KCNQ3: variants seen among roughly 807,000 people sequenced by gnomAD.
The protein encoded by KCNQ3 is potassium voltage-gated channel subfamily KQT member 3.
A neutral mutation model predicts 92.5 loss-of-function variants in KCNQ3; 30 were observed. The ratio of observed to expected loss-of-function variants is 0.32; its 90% CI spans 0.24 to 0.44. KCNQ3 has a LOEUF of 0.44. Among genes scored for constraint, KCNQ3 ranks in the 20% least tolerant of loss-of-function variants. KCNQ3 has a pLI of 1.00. For missense variants in KCNQ3, 913 were observed against 1,140.3 expected, an observed-to-expected ratio of 0.80 and a Z score of 2.87; for synonymous variants, 450 against 468.8, an observed-to-expected ratio of 0.96 and a Z score of 0.52.
At chr8:132,184,166 TAA>T in intron 3 of KCNQ3, 73 bp downstream of exon 3, 2 of 1,595,328 alleles carry the variant, frequency 1.3e-6, no homozygotes, top group Non-Finnish European at 1.7e-6. Flanking sequence ...AATAGCTGCT[TAA>T]ACTTTTCTCA....
At chr8:132,369,579 A>G (rs1231057632) in intron 1 of KCNQ3, among the ~76,000 whole-genome samples, 1 of 113,708 alleles carries the variant, frequency 8.8e-6, no homozygotes. Context: ...AACAGCACAC[A>G]CACACACACA....
chr8:132,306,545 C>A (rs1817429601), intron 1 of KCNQ3, among the ~76,000 whole-genome samples: 1 of 152,210 alleles, frequency 6.6e-6, no homozygotes, highest in South Asian at 2.1e-4. Flanking sequence ...ATTCACAAAT[C>A]TGTTTCCCAG....
intron 1 of KCNQ3, among the ~76,000 whole-genome samples, chr8:132,332,341 C>T (rs1230433971): frequency 1.3e-5 from 2 of 152,174 alleles, no homozygotes; most frequent in Non-Finnish European, 2.9e-5. Flanking sequence ...CAGAGGTACC[C>T]AGATAAGCCA....
chr8:132,137,538 T>G (rs1825141471), intron 12 of KCNQ3, among the ~76,000 whole-genome samples: 1 of 152,228 alleles, frequency 6.6e-6, no homozygotes, highest in Non-Finnish European at 1.5e-5. Context: ...GGTAAAGAAT[T>G]GTATTGAGAA....
chr8:132,384,928 G>A (rs1042604591), intron 1 of KCNQ3, among the ~76,000 whole-genome samples: 1 of 152,200 alleles, frequency 6.6e-6, no homozygotes, highest in Non-Finnish European at 1.5e-5. Flanking sequence ...CCAGTGACCA[G>A]GACATAGCAG....
At chr8:132,312,609 T>C (rs1272897490) in intron 1 of KCNQ3, among the ~76,000 whole-genome samples, 1 of 152,146 alleles carries the variant, frequency 6.6e-6, no homozygotes, top group African/African-American at 2.4e-5. Context: ...ATAATTCCCA[T>C]GTGTCAAGGG....
chr8:132,149,869 A>G (rs115446513), intron 9 of KCNQ3, among the ~76,000 whole-genome samples: 1,995 of 152,148 alleles, frequency 0.013, 40 homozygotes, highest in African/African-American at 0.044. Context: ...GTGTCCACAG[A>G]GTTCCCCCCT....
intron 8 of KCNQ3, among the ~76,000 whole-genome samples, chr8:132,167,715 C>A (rs1029781532): frequency 3.3e-5 from 5 of 152,226 alleles, no homozygotes; most frequent in African/African-American, 9.6e-5. Context: ...AAAAACCATT[C>A]TCATATCACA....
intron 1 of KCNQ3, among the ~76,000 whole-genome samples, chr8:132,386,826 A>G (rs1397633474): frequency 6.6e-6 from 1 of 152,110 alleles, no homozygotes; most frequent in Non-Finnish European, 1.5e-5. Context: ...TTTATGAATC[A>G]TTCCTCTGAC....
At chr8:132,276,507 G>A (rs922894723) in intron 1 of KCNQ3, among the ~76,000 whole-genome samples, 1 of 152,088 alleles carries the variant, frequency 6.6e-6, no homozygotes, top group Admixed American at 6.6e-5. Flanking sequence ...TCAGTGGTGG[G>A]AGCTCATTAC....
At chr8:132,142,868 C>G (rs1312524269) in intron 9 of KCNQ3, among the ~76,000 whole-genome samples, 2 of 152,164 alleles carry the variant, frequency 1.3e-5, no homozygotes, top group African/African-American at 4.8e-5. Context: ...GGAGTGAACA[C>G]TCCTTCTGCC....
At chr8:132,437,053 G>A (rs533538999) in intron 1 of KCNQ3, among the ~76,000 whole-genome samples, 2 of 151,980 alleles carry the variant, frequency 1.3e-5, no homozygotes, top group East Asian at 3.9e-4. Flanking sequence ...GCCGAGGCGG[G>A]CGGATCACGA....
At chr8:132,203,364 A>G (rs1490769560) in intron 1 of KCNQ3, among the ~76,000 whole-genome samples, 2 of 152,156 alleles carry the variant, frequency 1.3e-5, no homozygotes, top group East Asian at 3.9e-4. Context: ...CCTGTCAAGG[A>G]AGACCCTGGG....
rs898083492 is a variant in KCNQ3 at position 132,447,053 on chromosome 8, GC to G, written c.386+33093del. 3.6e-5 allele frequency: 24 copies of G among 662,672 alleles called. No individual in the cohort carries two copies. In the African/African-American group the frequency reaches 4.3e-4, roughly 12 times the overall value. 41.0% of individuals were successfully genotyped at this position (662,672 alleles called of 1,614,324 possible). A position where few individuals can be genotyped will look rare whatever the true frequency, so the allele number is the denominator to read the frequency against. ...CAATCCCACAACAAACATTTCCTGA[GC>G]CCCTTCTGGGAACCCAGGGTGAGTC... On this transcript the variant is annotated intron_variant, in intron 1 of 14. Transcript: ENST00000388996.
At chr8:132,361,255 C>T (rs1439414558) in intron 1 of KCNQ3, among the ~76,000 whole-genome samples, 1 of 152,156 alleles carries the variant, frequency 6.6e-6, no homozygotes, top group Non-Finnish European at 1.5e-5. Flanking sequence ...GCACAGAGAA[C>T]ACTGCAAGCA....
At chr8:132,303,250 A>C (rs1327320205) in intron 1 of KCNQ3, among the ~76,000 whole-genome samples, 1 of 151,888 alleles carries the variant, frequency 6.6e-6, no homozygotes, top group Non-Finnish European at 1.5e-5. Flanking sequence ...ATGATAAAGC[A>C]CTCATTTGCA....
At position 132,262,992 on chromosome 8, in the gene KCNQ3, G is replaced by A. The variant is rs137962261; in HGVS notation, c.387-76811C>T. On this transcript the variant is annotated intron_variant, in intron 1 of 14. Coordinates refer to ENST00000388996, the MANE Select transcript of KCNQ3 (RefSeq NM_004519.4). ...GGGACCTGAAGCTCTGAGGAATTGA[G>A]CAACGGTCCCAGATTCCATGGTTAC... is the stretch of plus-strand genomic sequence containing the variant. Among the ~76,000 whole-genome samples the A allele has an allele frequency of 1.7e-3, 266 of 152,302 alleles. 9 individuals are homozygous for A. The East Asian group carries it at 0.034, about 20-fold the overall frequency.
At chr8:132,203,436 T>C (rs1337515518) in intron 1 of KCNQ3, among the ~76,000 whole-genome samples, 1 of 152,118 alleles carries the variant, frequency 6.6e-6, no homozygotes, top group Non-Finnish European at 1.5e-5. Flanking sequence ...TGGTTCCTCA[T>C]CTCTAAAGTG....
intron 1 of KCNQ3, among the ~76,000 whole-genome samples, chr8:132,346,628 G>C (rs1222110564): frequency 2.0e-5 from 3 of 152,200 alleles, no homozygotes; most frequent in Non-Finnish European, 4.4e-5. Flanking sequence ...TGCAACTAAT[G>C]CTTCAACTCT....
Sources: gnomAD v4.1 joint callset for allele counts (sites outside exome capture counted in the v4.1 genomes callset) on GRCh38, gnomAD v4.1.1 for gene constraint, MANE v1.5 for transcripts, NCBI Gene and HGNC (gene_info 2026-07-23, HGNC 2026-07-21) for gene names.